STPG2: variants seen among roughly 807,000 people sequenced by gnomAD.
The protein encoded by STPG2 is sperm-tail PG-rich repeat-containing protein 2.
Under a neutral mutation model 54.2 loss-of-function variants are expected in STPG2, and 56 were observed. That is an observed-to-expected ratio of 1.03 (90% CI 0.83 to 1.29). The LOEUF is 1.29. Among genes scored for constraint, STPG2 ranks in the 50% most tolerant of loss-of-function variants. STPG2 has a pLI of 0.00. For synonymous variants in STPG2, 200 were observed against 181.8 expected, an observed-to-expected ratio of 1.10 and a Z score of -0.81; for missense variants, 596 against 544.9, an observed-to-expected ratio of 1.09 and a Z score of -0.93.
intron 9 of STPG2, among the ~76,000 whole-genome samples, chr4:97,793,026 C>T (rs1479103165): frequency 2.0e-5 from 3 of 151,940 alleles, no homozygotes. Flanking sequence ...GGTGGGGAGT[C>T]ACCTGTAATC....
intron 8 of STPG2, among the ~76,000 whole-genome samples, chr4:97,919,542 G>C (rs759002368): frequency 3.3e-5 from 5 of 151,782 alleles, no homozygotes; most frequent in Admixed American, 6.6e-5. Flanking sequence ...AGAATGTTAT[G>C]ATTAACTTTA....
At chr4:97,861,992 G>T (rs368527377) in intron 8 of STPG2, among the ~76,000 whole-genome samples, 3 of 151,896 alleles carry the variant, frequency 2.0e-5, no homozygotes, top group Non-Finnish European at 4.4e-5. Context: ...AGACCATCGA[G>T]GCTAGGAAGA....
chr4:97,953,190 G>A (rs71610686), intron 7 of STPG2, among the ~76,000 whole-genome samples: 11 of 152,252 alleles, frequency 7.2e-5, no homozygotes, highest in Admixed American at 1.3e-4. Context: ...AGAGGAATTC[G>A]TTGGCCACTA....
At chr4:97,668,720 A>G (rs1048436567) in intron 10 of STPG2, among the ~76,000 whole-genome samples, 1 of 150,594 alleles carries the variant, frequency 6.6e-6, no homozygotes, top group Non-Finnish European at 1.5e-5. Context: ...GAAAAGAAAA[A>G]TTAAAGTTGA....
rs114854279 is a variant in STPG2 at position 97,824,367 on chromosome 4, A to G, written c.1204+16406T>C. On this transcript the variant is annotated intron_variant, in intron 9 of 10. Coordinates refer to ENST00000295268, the MANE Select transcript of STPG2 (RefSeq NM_174952.3). ...ATGAATGAACTTTGAAAATCATTCA[A>G]AATTGAATGAATGGTAAAAATCATG... Among the ~76,000 whole-genome samples, 296 of 152,278 alleles carry G rather than the reference A, an allele frequency of 1.9e-3. 2 individuals carry two copies. Among genetic ancestry groups the G allele is most frequent in the African/African-American group, 6.4e-3 (268 of 41,564 alleles).
intron 10 of STPG2, among the ~76,000 whole-genome samples, chr4:97,593,355 G>A (rs887790783): frequency 1.3e-5 from 2 of 152,104 alleles, no homozygotes; most frequent in East Asian, 1.9e-4. Flanking sequence ...CCTCCCCTCC[G>A]ACAATGGTGT....
At chr4:97,457,746 A>C (rs1560616986) in intron 4 of STPG2, among the ~76,000 whole-genome samples, 2 of 152,250 alleles carry the variant, frequency 1.3e-5, no homozygotes, top group Admixed American at 6.5e-5. Flanking sequence ...AAAGTAGAAT[A>C]AGTATATGAA....
At chr4:97,988,640 T>TCA (rs1734898962) in intron 5 of STPG2, among the ~76,000 whole-genome samples, 1 of 152,350 alleles carries the variant, frequency 6.6e-6, no homozygotes, top group East Asian at 1.9e-4. Flanking sequence ...GGGCTCTCAC[T>TCA]CTGTTACCCA....
chr4:97,980,246 C>T (rs1329179447), intron 6 of STPG2, among the ~76,000 whole-genome samples: 1 of 152,028 alleles, frequency 6.6e-6, no homozygotes, highest in African/African-American at 2.4e-5. Context: ...TTACATGAAA[C>T]TTTTGGGTCC....
chr4:98,045,421 G>A (rs1737094620), intron 5 of STPG2, among the ~76,000 whole-genome samples: 3 of 152,080 alleles, frequency 2.0e-5, no homozygotes, highest in South Asian at 2.1e-4. Flanking sequence ...TCCATTTCCT[G>A]AGGCCTGTGG....
intron 8 of STPG2, among the ~76,000 whole-genome samples, chr4:97,910,983 G>A (rs1343972470): frequency 6.6e-6 from 1 of 152,108 alleles, no homozygotes; most frequent in Non-Finnish European, 1.5e-5. Flanking sequence ...CTACGCAATC[G>A]GCGTGACCCA....
downstream of STPG2, among the ~76,000 whole-genome samples, chr4:97,554,680 A>G (rs1219893860): frequency 1.3e-5 from 2 of 152,326 alleles, no homozygotes; most frequent in African/African-American, 4.8e-5. Flanking sequence ...AACTTCAGGA[A>G]TGGAAAAGGA....
intron 10 of STPG2, among the ~76,000 whole-genome samples, chr4:97,611,493 TTG>T (rs1733729663): frequency 6.6e-6 from 1 of 151,922 alleles, no homozygotes; most frequent in South Asian, 2.1e-4. Flanking sequence ...AATATTAAAG[TTG>T]TGGTATAATA....
At chr4:98,091,874 T>C (rs1286926111) in intron 5 of STPG2, among the ~76,000 whole-genome samples, 2 of 152,080 alleles carry the variant, frequency 1.3e-5, no homozygotes, top group African/African-American at 4.8e-5. Context: ...AGGCTTAGAA[T>C]AGCAAAATAT....
At chr4:97,921,889 G>A (rs939335398) in intron 8 of STPG2, among the ~76,000 whole-genome samples, 1 of 152,138 alleles carries the variant, frequency 6.6e-6, no homozygotes, top group Non-Finnish European at 1.5e-5. Flanking sequence ...AATGAACCTA[G>A]AGGACATTAT....
intron 8 of STPG2, among the ~76,000 whole-genome samples, chr4:97,891,500 G>T (rs1047593105): frequency 6.6e-6 from 1 of 151,884 alleles, no homozygotes; most frequent in Non-Finnish European, 1.5e-5. Context: ...AAAAAAAAAT[G>T]ATATATCTAA....
At chr4:98,140,407 T>C (rs1186931823) in intron 1 of STPG2, among the ~76,000 whole-genome samples, 1 of 152,100 alleles carries the variant, frequency 6.6e-6, no homozygotes, top group Admixed American at 6.6e-5. Context: ...TGCCACAAGA[T>C]AGAAGATGGA....
intron 4 of STPG2, among the ~76,000 whole-genome samples, chr4:97,553,343 T>C (rs1732007813): frequency 6.6e-6 from 1 of 152,192 alleles, no homozygotes; most frequent in Non-Finnish European, 1.5e-5. Flanking sequence ...AGGAAAACAG[T>C]CATCAGACTG....
chr4:97,452,135 C>CG (rs1729392773), intron 4 of STPG2, among the ~76,000 whole-genome samples: 6 of 99,982 alleles, frequency 6.0e-5, no homozygotes, highest in Admixed American at 1.8e-4. Flanking sequence ...CCCCCCCCCC[C>CG]GCCCCCAGCA....
Sources: allele counts gnomAD v4.1 joint callset (sites outside exome capture counted in the v4.1 genomes callset), GRCh38; gene constraint gnomAD v4.1.1; transcripts MANE v1.5; gene names NCBI Gene and HGNC (gene_info 2026-07-23, HGNC 2026-07-21).